The following THSD7B variants were observed in gnomAD, a reference collection of about 807,000 sequenced individuals.
The protein encoded by THSD7B is thrombospondin type 1 domain containing 7B.
A neutral mutation model predicts 213.6 loss-of-function variants in THSD7B; 138 were observed. The observed-to-expected ratio is 0.65, with a 90% CI of 0.56 to 0.74. The LOEUF is 0.74. Ranked by LOEUF, THSD7B falls within the 30% of genes least tolerant of loss-of-function variation. THSD7B has a pLI of 0.00. For synonymous variants in THSD7B, 742 were observed against 687.0 expected (o/e 1.08, Z -1.25); for missense variants, 1,931 against 1,991.5 (o/e 0.97, Z 0.58).
intron 15 of THSD7B, among the ~76,000 whole-genome samples, chr2:137,471,834 T>C (rs1367611209): frequency 6.6e-6 from 1 of 152,144 alleles, no homozygotes; most frequent in Non-Finnish European, 1.5e-5. Flanking sequence ...AATGTTCTTC[T>C]GTGCTGAGGG....
intron 21 of THSD7B, among the ~76,000 whole-genome samples, chr2:137,643,212 A>G (rs1048529705): frequency 6.6e-6 from 1 of 152,230 alleles, no homozygotes; most frequent in Admixed American, 6.5e-5. Flanking sequence ...TTGCTAGATC[A>G]GCAAAGATCC....
chr2:137,303,234 C>G (rs956975651), intron 12 of THSD7B, among the ~76,000 whole-genome samples: 4 of 152,138 alleles, frequency 2.6e-5, no homozygotes, highest in African/African-American at 9.6e-5. Flanking sequence ...TGTTGCCAGG[C>G]TGATGTCAAA....
intron 1 of THSD7B, among the ~76,000 whole-genome samples, chr2:136,870,075 A>AG (rs1271047612): frequency 6.6e-6 from 1 of 151,520 alleles, no homozygotes; most frequent in Admixed American, 6.6e-5. Flanking sequence ...CCGTCTCAAA[A>AG]AAAAAAAAAA....
intron 5 of THSD7B, among the ~76,000 whole-genome samples, chr2:137,118,089 G>C (rs1036786292): frequency 2.0e-5 from 3 of 152,150 alleles, no homozygotes; most frequent in Admixed American, 1.3e-4. Flanking sequence ...AGTAATATTA[G>C]CCAAGCCAAT....
chr2:137,411,528 A>G (rs1686650605), intron 13 of THSD7B, 81 bp from the exon 14 acceptor site: 1 of 1,320,068 alleles, frequency 7.6e-7, no homozygotes, highest in Non-Finnish European at 1.0e-6. Context: ...ATTCTAAAAG[A>G]TTACAAATAC....
chr2:137,270,626 C>G (rs1682710567), intron 10 of THSD7B, among the ~76,000 whole-genome samples: 1 of 152,086 alleles, frequency 6.6e-6, no homozygotes, highest in African/African-American at 2.4e-5. Flanking sequence ...ACATTGGGAG[C>G]CATGACCTAA....
chr2:137,397,720 A>G (rs1186827834), intron 12 of THSD7B, among the ~76,000 whole-genome samples: 2 of 152,028 alleles, frequency 1.3e-5, no homozygotes, highest in African/African-American at 2.4e-5. Flanking sequence ...CTGCCTTGCT[A>G]GATTGGGGAT....
At chr2:137,643,025 A>G (rs13410191) in intron 21 of THSD7B, among the ~76,000 whole-genome samples, 67,365 of 152,090 alleles carry the variant, frequency 0.44, 15,659 homozygotes, top group South Asian at 0.53. Flanking sequence ...TCTTAAAGAA[A>G]CACTTTTAGG....
At chr2:137,015,242 C>G (rs1399823417) in intron 2 of THSD7B, among the ~76,000 whole-genome samples, 6 of 152,106 alleles carry the variant, frequency 3.9e-5, no homozygotes, top group African/African-American at 1.4e-4. Context: ...TTCTAAATGC[C>G]AGTTATCCAA....
At chr2:137,654,923 G>A (rs950223536) in intron 21 of THSD7B, among the ~76,000 whole-genome samples, 2 of 152,162 alleles carry the variant, frequency 1.3e-5, no homozygotes, top group Non-Finnish European at 2.9e-5. Flanking sequence ...GTTTCTGTGA[G>A]ACACTGTACA....
intron 2 of THSD7B, among the ~76,000 whole-genome samples, chr2:137,049,228 C>T (rs1403798709): frequency 1.3e-5 from 2 of 152,222 alleles, no homozygotes; most frequent in East Asian, 1.9e-4. Context: ...CGGCAAGAGA[C>T]GGGTGGCGGG....
chr2:137,164,811 A>G (rs1364380405), intron 6 of THSD7B, among the ~76,000 whole-genome samples: 2 of 152,268 alleles, frequency 1.3e-5, no homozygotes, highest in African/African-American at 4.8e-5. Context: ...ATTCTCACTC[A>G]TAGGTGGGAA....
intron 12 of THSD7B, among the ~76,000 whole-genome samples, chr2:137,381,210 C>G (rs561847554): frequency 1.3e-5 from 2 of 152,258 alleles, no homozygotes; most frequent in African/African-American, 4.8e-5. Context: ...CAGATGGGCT[C>G]TGGTAGAAAC....
At chr2:137,478,183 A>T (rs1301071356) in intron 15 of THSD7B, among the ~76,000 whole-genome samples, 5 of 151,996 alleles carry the variant, frequency 3.3e-5, no homozygotes, top group Non-Finnish European at 7.4e-5. Flanking sequence ...TAGGTTTTCT[A>T]TCCCTTTTGT....
intron 2 of THSD7B, among the ~76,000 whole-genome samples, chr2:136,991,925 C>T (rs1685792481): frequency 1.3e-5 from 2 of 152,104 alleles, no homozygotes; most frequent in African/African-American, 4.8e-5. Context: ...CTTGTCTGGC[C>T]CTAAAACGGG....
intron 12 of THSD7B, among the ~76,000 whole-genome samples, chr2:137,367,451 A>C (rs780197614): frequency 6.6e-6 from 1 of 152,146 alleles, no homozygotes; most frequent in African/African-American, 2.4e-5. Context: ...CCCCTATGCA[A>C]TATACGTTTT....
intron 15 of THSD7B, among the ~76,000 whole-genome samples, chr2:137,528,420 C>T (rs536927960): frequency 1.9e-4 from 29 of 152,122 alleles, no homozygotes; most frequent in East Asian, 9.7e-4. Flanking sequence ...TTTTATGAGG[C>T]GCATGTGGGA....
In THSD7B at chr2:137,560,154, G is replaced by A. The variant is rs149632540; in HGVS notation, c.3139-3067G>A. Among the ~76,000 whole-genome samples, 1,430 of 150,102 alleles carry A rather than the reference G, an allele frequency of 9.5e-3. 17 individuals carry two copies. Among genetic ancestry groups the A allele is most frequent in the African/African-American group, 0.033 (1,338 of 40,084 alleles). ...CAACCATTATGGAAGACTGTGTGGC[G>A]ATTCCTCAAGGATCTAGAACTAGAA... On this transcript the variant is annotated intron_variant, in intron 15 of 27. Coordinates refer to ENST00000409968, the MANE Select transcript of THSD7B (RefSeq NM_001316349.2).
intron 21 of THSD7B, among the ~76,000 whole-genome samples, chr2:137,644,581 T>C (rs1226462598): frequency 6.6e-6 from 1 of 152,218 alleles, no homozygotes; most frequent in Non-Finnish European, 1.5e-5. Context: ...TGCAGCCTGA[T>C]TGTTAACTCT....
Sources: gnomAD v4.1 joint callset for allele counts (sites outside exome capture counted in the v4.1 genomes callset) on GRCh38, gnomAD v4.1.1 for gene constraint, MANE v1.5 for transcripts, NCBI Gene and HGNC (gene_info 2026-07-23, HGNC 2026-07-21) for gene names.